Variants in RALYL observed in about 807,000 individuals in gnomAD.
RALYL encodes RNA-binding Raly-like protein.
RALYL carries 29 observed loss-of-function variants against 35.1 expected under a neutral mutation model. That is an observed-to-expected ratio of 0.83 (90% CI 0.61 to 1.13). The LOEUF (loss-of-function observed/expected upper bound fraction) is 1.13, where lower values mean the gene tolerates loss of function less well. RALYL is among the 50% of genes most tolerant of loss of function. The pLI, the probability that RALYL is intolerant of heterozygous loss-of-function variation, is 0.00. For missense variants in RALYL, 359 were observed against 360.4 expected (o/e 1.00, Z 0.03); for synonymous variants, 120 against 127.6 (o/e 0.94, Z 0.40).
intron 1 of RALYL, among the ~76,000 whole-genome samples, chr8:84,413,618 T>C (rs1160173334): frequency 7.0e-6 from 1 of 143,560 alleles, no homozygotes; most frequent in African/African-American, 3.0e-5. Flanking sequence ...ATAAACCTTA[T>C]AAAGTTGTCA....
intron 2 of RALYL, among the ~76,000 whole-genome samples, chr8:84,761,691 T>C (rs1186152458): frequency 1.3e-5 from 2 of 152,104 alleles, no homozygotes; most frequent in Admixed American, 6.6e-5. Context: ...ATTAACTCAT[T>C]CCCATATTTA....
chr8:84,578,020 C>T (rs995823037), intron 2 of RALYL, among the ~76,000 whole-genome samples: 3 of 152,216 alleles, frequency 2.0e-5, no homozygotes, highest in African/African-American at 7.2e-5. Context: ...GCCCACTGGG[C>T]TTGTTCCACC....
At chr8:84,360,491 T>G (rs1852760950) in intron 1 of RALYL, among the ~76,000 whole-genome samples, 1 of 152,232 alleles carries the variant, frequency 6.6e-6, no homozygotes, top group African/African-American at 2.4e-5. Context: ...AGTTCTAATG[T>G]GTTATTCATT....
rs189187817 is a variant in RALYL, at chr8:84,388,205, C to T, written c.-23-141094C>T. On this transcript the variant is annotated intron_variant, in intron 1 of 8. Transcript: ENST00000521268. ...TTTTATGGCTGCATAGTATTCCATG[C>T]TGTATATGTGCCACATTTTCTTAAT... 6.2e-3 allele frequency among the ~76,000 whole-genome samples: 945 copies of T among 152,046 alleles called. 12 individuals are homozygous for T. The highest frequency in any genetic ancestry group is 0.021 in the African/African-American group (868 of 41,496).
In RALYL at chr8:84,652,577, A is replaced by G. The variant is rs536255775; in HGVS notation, c.257-122002A>G. Among the ~76,000 whole-genome samples the G allele has an allele frequency of 1.8e-3, 267 of 152,166 alleles. 1 individual carries two copies. The highest frequency in any genetic ancestry group is 5.9e-3 in the African/African-American group (246 of 41,554). On this transcript the variant is annotated intron_variant, in intron 2 of 8. Transcript: ENST00000521268. ...CCCATTTTTAAAATGGCTCTTTATT[A>G]GACATGTGTGTTTTTTCATCTGAAT...
At chr8:84,719,213 C>T (rs183515925) in intron 2 of RALYL, among the ~76,000 whole-genome samples, 3 of 152,178 alleles carry the variant, frequency 2.0e-5, no homozygotes, top group African/African-American at 7.2e-5. Context: ...TCTATATCCC[C>T]AGCATGGTCT....
intron 8 of RALYL, among the ~76,000 whole-genome samples, chr8:84,911,093 G>A (rs1451073199): frequency 2.0e-5 from 3 of 151,988 alleles, no homozygotes; most frequent in African/African-American, 7.2e-5. Context: ...AATGACGTGA[G>A]CAAGATGGCA....
At chr8:84,549,761 G>A (rs1019235569) in intron 2 of RALYL, among the ~76,000 whole-genome samples, 5 of 152,096 alleles carry the variant, frequency 3.3e-5, no homozygotes, top group African/African-American at 1.2e-4. Flanking sequence ...GGGTAGGGAG[G>A]GCAGCTTTCC....
At chr8:84,745,576 C>A (rs1013895023) in intron 2 of RALYL, among the ~76,000 whole-genome samples, 13 of 151,968 alleles carry the variant, frequency 8.6e-5, no homozygotes, top group Non-Finnish European at 7.4e-5. Flanking sequence ...TCTCTAATGG[C>A]CCATAGTATA....
chr8:84,727,166 A>T (rs75174711), intron 2 of RALYL, among the ~76,000 whole-genome samples: 3,532 of 152,146 alleles, frequency 0.023, 151 homozygotes, highest in African/African-American at 0.081. Context: ...GATTTGGAAG[A>T]TATTCAACAG....
At chr8:84,246,728 C>A (rs906667988) in intron 1 of RALYL, among the ~76,000 whole-genome samples, 1 of 152,126 alleles carries the variant, frequency 6.6e-6, no homozygotes, top group Non-Finnish European at 1.5e-5. Flanking sequence ...GAGGGCTGAC[C>A]CTCCAGGAGG....
At chr8:84,754,090 G>A (rs1268811946) in intron 2 of RALYL, among the ~76,000 whole-genome samples, 1 of 151,908 alleles carries the variant, frequency 6.6e-6, no homozygotes, top group Non-Finnish European at 1.5e-5. Context: ...TTTGTAGGTT[G>A]CCTGTTCACT....
chr8:84,583,165 C>G (rs961283244), intron 2 of RALYL, among the ~76,000 whole-genome samples: 7 of 152,074 alleles, frequency 4.6e-5, no homozygotes, highest in Non-Finnish European at 8.8e-5. Context: ...AAATAAAATA[C>G]AGTAATGTTA....
intron 1 of RALYL, among the ~76,000 whole-genome samples, chr8:84,269,264 A>G (rs527362327): frequency 1.3e-5 from 2 of 152,310 alleles, no homozygotes; most frequent in African/African-American, 4.8e-5. Flanking sequence ...CAACTAATTA[A>G]TTTGAAATTT....
At chr8:84,743,158 C>T (rs1396240395) in intron 2 of RALYL, among the ~76,000 whole-genome samples, 1 of 151,980 alleles carries the variant, frequency 6.6e-6, no homozygotes, top group Admixed American at 6.6e-5. Flanking sequence ...AAATTGACTA[C>T]AGGATTAATG....
intron 1 of RALYL, among the ~76,000 whole-genome samples, chr8:84,497,630 G>GTTTTTT (rs1181968193): frequency 1.1e-4 from 13 of 119,146 alleles, no homozygotes; most frequent in African/African-American, 3.8e-4. Flanking sequence ...TTTTTTTGTT[G>GTTTTTT]TTTTTGTTTT....
chr8:84,445,098 T>C (rs1327141146), intron 1 of RALYL, among the ~76,000 whole-genome samples: 1 of 152,106 alleles, frequency 6.6e-6, no homozygotes, highest in Admixed American at 6.6e-5. Flanking sequence ...CAGGTACTGA[T>C]GCTCCAAGTG....
At chr8:84,898,549 A>G (rs1365676) in intron 8 of RALYL, among the ~76,000 whole-genome samples, 151,937 of 152,316 alleles carry the variant, frequency 1, 75,779 homozygotes, top group African/African-American at 1. Context: ...AGAGGTAAAC[A>G]CATGAAAACT....
At chr8:84,617,897 A>C (rs993372527) in intron 2 of RALYL, among the ~76,000 whole-genome samples, 17 of 151,910 alleles carry the variant, frequency 1.1e-4, no homozygotes, top group African/African-American at 2.7e-4. Flanking sequence ...GATTACATTT[A>C]TTGATTTGCG....
Sources: allele counts gnomAD v4.1 joint callset (sites outside exome capture counted in the v4.1 genomes callset), GRCh38; gene constraint gnomAD v4.1.1; transcripts MANE v1.5; gene names NCBI Gene and HGNC (gene_info 2026-07-23, HGNC 2026-07-21).